PXDNL: variants seen among roughly 807,000 people sequenced by gnomAD.
PXDNL encodes probable oxidoreductase PXDNL.
Under a neutral mutation model 150.8 loss-of-function variants are expected in PXDNL, and 145 were observed. The observed-to-expected ratio is 0.96, with a 90% confidence interval of 0.84 to 1.10. The LOEUF (loss-of-function observed/expected upper bound fraction) is 1.10. Among genes scored for constraint, PXDNL ranks in the 50% least tolerant of loss-of-function variants. The probability of loss-of-function intolerance (pLI) is 0.00; values close to 1 mark genes in which losing one functional copy is unlikely to be tolerated. For synonymous variants in PXDNL, 757 were observed against 725.7 expected, an observed-to-expected ratio of 1.04 and a Z score of -0.69; for missense variants, 2,087 against 1,873.9, an observed-to-expected ratio of 1.11 and a Z score of -2.10.
At chr8:51,596,270 G>C (rs562888993) in intron 2 of PXDNL, among the ~76,000 whole-genome samples, 1 of 152,212 alleles carries the variant, frequency 6.6e-6, no homozygotes, top group South Asian at 2.1e-4. Context: ...TGGTGTATAT[G>C]GACCACATTT....
chr8:51,752,254 T>C (rs1447086683), intron 1 of PXDNL, among the ~76,000 whole-genome samples: 3 of 152,172 alleles, frequency 2.0e-5, no homozygotes, highest in African/African-American at 7.2e-5. Context: ...TCACGGAGGT[T>C]TGGGGAGCTC....
chr8:51,631,313 GA>G (rs1254358146), intron 2 of PXDNL, among the ~76,000 whole-genome samples: 1 of 152,034 alleles, frequency 6.6e-6, no homozygotes, highest in Admixed American at 6.6e-5. Flanking sequence ...AAAAAATTGA[GA>G]AACTACCTAT....
intron 1 of PXDNL, among the ~76,000 whole-genome samples, chr8:51,705,886 CAA>C (rs1816368534): frequency 6.6e-6 from 1 of 152,090 alleles, no homozygotes. Flanking sequence ...CTTACATGCA[CAA>C]AGATATTCAT....
At chr8:51,329,848 T>G (rs889832378) in intron 21 of PXDNL, among the ~76,000 whole-genome samples, 1 of 152,122 alleles carries the variant, frequency 6.6e-6, no homozygotes, top group African/African-American at 2.4e-5. Context: ...CTATAAGGAA[T>G]TGGATCCATG....
chr8:51,417,852 C>T (rs1475331330), intron 14 of PXDNL, among the ~76,000 whole-genome samples: 1 of 152,318 alleles, frequency 6.6e-6, no homozygotes, highest in Non-Finnish European at 1.5e-5. Flanking sequence ...CACTTTGCAT[C>T]ATTAAACATG....
chr8:51,663,836 G>C (rs1179649496), intron 1 of PXDNL, among the ~76,000 whole-genome samples: 4 of 152,080 alleles, frequency 2.6e-5, no homozygotes, highest in Admixed American at 1.3e-4. Context: ...CAGATCACTT[G>C]AGATCAGGAG....
chr8:51,403,396 C>T (rs1408923165), intron 17 of PXDNL, among the ~76,000 whole-genome samples: 1 of 152,140 alleles, frequency 6.6e-6, no homozygotes, highest in Non-Finnish European at 1.5e-5. Flanking sequence ...CCAGCCCCCA[C>T]CCACCTCTCC....
At chr8:51,491,119 A>T (rs866590996) in intron 5 of PXDNL, among the ~76,000 whole-genome samples, 1 of 152,174 alleles carries the variant, frequency 6.6e-6, no homozygotes, top group Non-Finnish European at 1.5e-5. Flanking sequence ...ACTGAGCTGC[A>T]TTCTTCTTGC....
intron 1 of PXDNL, among the ~76,000 whole-genome samples, chr8:51,694,158 G>A (rs758717931): frequency 1.3e-5 from 2 of 152,148 alleles, no homozygotes; most frequent in African/African-American, 2.4e-5. Flanking sequence ...AGGAGTTGGA[G>A]ACCAACTTTG....
intron 1 of PXDNL, among the ~76,000 whole-genome samples, chr8:51,676,878 A>G (rs1815636193): frequency 6.6e-6 from 1 of 152,198 alleles, no homozygotes; most frequent in South Asian, 2.1e-4. Flanking sequence ...CCCTGTCAAA[A>G]ATTTTTTCAG....
intron 2 of PXDNL, among the ~76,000 whole-genome samples, chr8:51,604,459 T>C (rs1813798359): frequency 6.6e-6 from 1 of 151,956 alleles, no homozygotes; most frequent in Non-Finnish European, 1.5e-5. Context: ...TGAGAACACA[T>C]GGACACAGGA....
chr8:51,374,561 T>C (rs770437960), intron 18 of PXDNL, 36 bp downstream of exon 18: 30 of 1,606,548 alleles, frequency 1.9e-5, no homozygotes, highest in Non-Finnish European at 2.5e-5. Flanking sequence ...AAACAACTTT[T>C]GTGATATTTA....
chr8:51,583,203 G>A (rs1354814931), intron 3 of PXDNL, among the ~76,000 whole-genome samples: 1 of 152,134 alleles, frequency 6.6e-6, no homozygotes, highest in Non-Finnish European at 1.5e-5. Context: ...TTATAAAGAA[G>A]AGAGTTTTAT....
At chr8:51,449,296 A>G (rs1004571550) in intron 10 of PXDNL, among the ~76,000 whole-genome samples, 178 bp from the exon 11 acceptor site, 1 of 152,186 alleles carries the variant, frequency 6.6e-6, no homozygotes, top group African/African-American at 2.4e-5. Flanking sequence ...GTTTGCAAGG[A>G]AGCCAGAAAT....
intron 3 of PXDNL, among the ~76,000 whole-genome samples, chr8:51,577,617 C>A (rs1027709495): frequency 7.0e-6 from 1 of 142,766 alleles, no homozygotes; most frequent in Non-Finnish European, 1.5e-5. Context: ...TATAATCAGG[C>A]TAAAAAAGAA....
chr8:51,628,399 C>CTTTTTTTTT lies in PXDNL; in HGVS notation c.236+26281_236+26289dup, dbSNP rs71550276. Among the ~76,000 whole-genome samples, 155 of 69,800 alleles carry CTTTTTTTTT rather than the reference C, an allele frequency of 2.2e-3. 1 individual carries two copies. Among genetic ancestry groups the CTTTTTTTTT allele is most frequent in the East Asian group, 4.0e-3 (7 of 1,768 alleles). The allele number at this position is 69,800 out of a possible 152,430, so 45.8% of individuals were successfully genotyped here. A position where few individuals can be genotyped will look rare whatever the true frequency, so the allele number is the denominator to read the frequency against. ...ATCTCTCTCTGTTTTCTTTTCTTTTCTTTTTTTTTTTTTTTTTTTTTTTGG... is the reference window on the plus strand; with the variant it reads ...ATCTCTCTCTGTTTTCTTTTCTTTTCTTTTTTTTTTTTTTTTTTTTTTTTTTTTTTTTGG... On this transcript the variant is annotated intron_variant, in intron 2 of 22. Coordinates refer to ENST00000356297, the MANE Select transcript of PXDNL (RefSeq NM_144651.5).
intron 4 of PXDNL, among the ~76,000 whole-genome samples, chr8:51,508,660 A>C (rs879927788): frequency 2.0e-4 from 31 of 152,160 alleles, no homozygotes; most frequent in Non-Finnish European, 3.7e-4. Context: ...ATCCAGTACC[A>C]GGAACATGAG....
At chr8:51,491,976 C>G (rs536233319) in intron 5 of PXDNL, among the ~76,000 whole-genome samples, 5 of 152,192 alleles carry the variant, frequency 3.3e-5, no homozygotes, top group African/African-American at 1.2e-4. Context: ...TACCTCATTT[C>G]ATATTCATGA....
At position 51,426,654 on chromosome 8, in the gene PXDNL, A is replaced by C. The variant is rs1217103071; in HGVS notation, c.1630T>G (p.Trp544Gly). 1.3e-6 allele frequency: 2 copies of C among 1,575,608 alleles called. No individual in the cohort carries two copies. Among genetic ancestry groups the C allele is most frequent in the Non-Finnish European group, 1.7e-6 (2 of 1,148,438 alleles). The stretch of plus-strand genomic sequence containing the variant: ...TTTAGTTGAGATCTTACCTTATTCC[A>C]AGTAATTATGGGCTGTGGTTCTCCT... Reference protein sequence around the residue: ...AQGEPQPIITWNKEGVQITES... With the variant: ...AQGEPQPIITGNKEGVQITES... Residue 544 changes from tryptophan to glycine, a missense_variant, in exon 13 of 23, where the codon TGG becomes GGG. Transcript: ENST00000356297.
Sources: allele counts gnomAD v4.1 joint callset (sites outside exome capture counted in the v4.1 genomes callset), GRCh38; gene constraint gnomAD v4.1.1; transcripts MANE v1.5; gene names NCBI Gene and HGNC (gene_info 2026-07-23, HGNC 2026-07-21).